Variants in PIDD1 observed in about 807,000 individuals in gnomAD.
PIDD1 encodes p53-induced death domain protein 1, also known as p53-induced death domain-containing protein 1.
Under a neutral mutation model 80.0 loss-of-function variants are expected in PIDD1, and 72 were observed. That is an observed-to-expected ratio of 0.90 (90% CI 0.74 to 1.09). The LOEUF (loss-of-function observed/expected upper bound fraction) is 1.09. Among genes scored for constraint, PIDD1 ranks in the 50% least tolerant of loss-of-function variants. The probability of loss-of-function intolerance (pLI) is 0.00; values close to 1 mark genes in which losing one functional copy is unlikely to be tolerated. For synonymous variants in PIDD1, 655 were observed against 543.5 expected, an observed-to-expected ratio of 1.21 and a Z score of -2.85; for missense variants, 1,329 against 1,228.3, an observed-to-expected ratio of 1.08 and a Z score of -1.23.
At position 804,247 on chromosome 11, in the gene PIDD1, G is replaced by C. The variant is rs772299681; in HGVS notation, c.142C>G (p.Gln48Glu). The C allele has an allele frequency of 2.5e-6, 4 of 1,613,080 alleles. No homozygotes were observed. The South Asian group carries it at 4.4e-5, about 18-fold the overall frequency. Residue 48 changes from glutamine to glutamate, a missense_variant, in exon 2 of 16, where the codon CAG becomes GAG. Physicochemically the swap from Gln to Glu is conservative, Grantham distance 29 (BLOSUM62 2). Coordinates refer to ENST00000347755, the MANE Select transcript of PIDD1 (RefSeq NM_145886.4). ...TGGACACACAGGTGCAGCAGCTGCTGGCAGCCCCCGGGGTACAGGTCCAAG... is the reference window on the plus strand; with the variant it reads ...TGGACACACAGGTGCAGCAGCTGCTCGCAGCCCCCGGGGTACAGGTCCAAG... ...LSLDLYPGGCQQLLHLCVQQP... is the reference protein window; with the variant it reads ...LSLDLYPGGCEQLLHLCVQQP...
rs1405718590 is a variant in PIDD1 at position 801,600 on chromosome 11, G to C, written c.1327C>G (p.Pro443Ala). The stretch of plus-strand genomic sequence containing the variant: ...ACCACAAGGAACCAGGAGAAGTGGG[G>C]CACCTGGCAGTGAGCCCAGAGCCGC... ...PQRLWAHCQVPHFSWFLVVSR... is the reference protein window; with the variant it reads ...PQRLWAHCQVAHFSWFLVVSR... Residue 443 changes from proline (P) to alanine (A), a missense_variant, in exon 8 of 16, where the codon CCC becomes GCC. Physicochemically the swap from Pro to Ala is conservative, Grantham distance 27. Transcript: ENST00000347755. 1.3e-6 allele frequency: 2 copies of C among 1,562,572 alleles called. No individual in the cohort carries two copies. The highest frequency in any genetic ancestry group is 1.7e-6 in the Non-Finnish European group (2 of 1,154,026).
Position 799,980 on chromosome 11 carries a change from G to GC in PIDD1, c.2308dup (p.Ala770GlyfsTer58), listed in dbSNP as rs763264127. On this transcript the variant is annotated frameshift_variant, in exon 15 of 16. Transcript: ENST00000347755. LOFTEE classifies it high-confidence loss of function. ...ATTCAAGGGTGCCAAGGAGAGGCCA[G>GC]CCCCCCGCCGTGGCCCCTCGGACCC... is the stretch of plus-strand genomic sequence containing the variant. 1.9e-6 allele frequency: 3 copies of GC among 1,612,676 alleles called. No homozygotes were observed. The highest frequency in any genetic ancestry group is 1.3e-5 in the African/African-American group (1 of 74,926).
upstream of PIDD1, among the ~76,000 whole-genome samples, chr11:806,286 A>C (rs937060649): frequency 1.4e-5 from 2 of 148,070 alleles, no homozygotes; most frequent in African/African-American, 5.0e-5. Flanking sequence ...AGACACCACC[A>C]GCTATGCCTG....
In PIDD1 at chr11:802,352, C is replaced by T. The variant is rs756402200; in HGVS notation, c.1019G>A (p.Gly340Asp). 13 of 1,611,866 alleles carry T rather than the reference C, an allele frequency of 8.1e-6. No individual in the cohort carries two copies. In the South Asian group the frequency reaches 9.9e-5, roughly 12 times the overall value. ...TCCCGCTGGGAACTGCAGGCGGACG[C>T]CACAGGCCAGGGTCACTGAGCAGCC... is the stretch of plus-strand genomic sequence containing the variant. ...PQGCSVTLAC[G>D]VRLQFPAGAT... The change falls in exon 6 of 16, where the codon GGC (glycine) becomes GAC (aspartate). Residue 340 changes from glycine to aspartate, a missense_variant. Physicochemically the swap from Gly to Asp is moderately conservative, Grantham distance 94. Coordinates refer to ENST00000347755, the MANE Select transcript of PIDD1 (RefSeq NM_145886.4).
At chr11:806,099 A>G (rs1349382522), upstream of PIDD1, 2 of 119,016 alleles carry the variant, frequency 1.7e-5, no homozygotes, top group African/African-American at 3.4e-5. Context: ...ACTCCGTCTG[A>G]AAAAAAAAAA....
chr11:805,319 G>T (rs1020687694), upstream of PIDD1: 4 of 712,912 alleles, frequency 5.6e-6, no homozygotes, highest in Non-Finnish European at 6.9e-6. Flanking sequence ...CCCCTCCGCC[G>T]GGCTGGGGTC....
At chr11:803,078 GA>G in intron 3 of PIDD1, 95 bp downstream of exon 3, 2 of 1,043,708 alleles carry the variant, frequency 1.9e-6, no homozygotes, top group Non-Finnish European at 2.8e-6. Context: ...GGCAGCTGTG[GA>G]CCAAGCCTGT....
upstream of PIDD1, among the ~76,000 whole-genome samples, chr11:806,949 T>G (rs1865803482): frequency 6.6e-6 from 1 of 152,138 alleles, no homozygotes; most frequent in Non-Finnish European, 1.5e-5. Flanking sequence ...CCCAACATTT[T>G]GTGAGGCTGA....
chr11:805,476 AGCCTCCCCC>A, upstream of PIDD1: 2 of 408,730 alleles, frequency 4.9e-6, no homozygotes, highest in Non-Finnish European at 6.6e-6. Flanking sequence ...GGAGCCGTAC[AGCCTCCCCC>A]GCCCGGAAGG....
At chr11:801,665 G>C in intron 7 of PIDD1, 41 bp from the exon 8 acceptor site, 1 of 1,502,050 alleles carries the variant, frequency 6.7e-7, no homozygotes, top group Non-Finnish European at 9.1e-7. Context: ...GCCTGGGTCA[G>C]GGCACAGCCA....
At chr11:805,056 G>T in intron 1 of PIDD1, 123 bp downstream of exon 1, 1 of 249,996 alleles carries the variant, frequency 4.0e-6, no homozygotes, top group Non-Finnish European at 6.4e-6. Context: ...CGGCGTGGGG[G>T]GCGGGCCCCA....
rs766735943 is a variant in PIDD1, at chr11:799,293, A to G, written c.*14T>C. Reference sequence around the variant, plus strand: ...ACTGGGGAATATCTGGGCCAGCCTAAAAGTCTGTGGGGCCTAGGCCTGGGC... The same window carrying G: ...ACTGGGGAATATCTGGGCCAGCCTAGAAGTCTGTGGGGCCTAGGCCTGGGC... On this transcript the variant is annotated 3_prime_UTR_variant, in exon 16 of 16. Coordinates refer to ENST00000347755, the MANE Select transcript of PIDD1 (RefSeq NM_145886.4). The G allele has an allele frequency of 1.6e-5, 25 of 1,571,818 alleles. No homozygotes were observed. In the East Asian group the frequency reaches 2.0e-4, roughly 13 times the overall value.
rs766250358 is a variant in PIDD1, at chr11:803,378, C to A, written c.505G>T (p.Ala169Ser). The part of the protein sequence containing the change: ...CLSELPEALG[A>S]LPALTFLTVT... Reference sequence around the variant, plus strand: ...GTGAGGAAGGTGAGGGCGGGGAGGGCCCCCAGAGCCTCAGGCAGCTCAGAG... The same window carrying A: ...GTGAGGAAGGTGAGGGCGGGGAGGGACCCCAGAGCCTCAGGCAGCTCAGAG... The change falls in exon 3 of 16, where the codon GCC becomes TCC. Residue 169 changes from alanine (A) to serine (S), a missense_variant. By Grantham distance (99) the Ala-to-Ser change is moderately conservative (BLOSUM62 1). Transcript: ENST00000347755. The A allele has an allele frequency of 3.7e-6, 6 of 1,613,880 alleles. No individual in the cohort carries two copies. The highest frequency in any genetic ancestry group is 5.1e-6 in the Non-Finnish European group (6 of 1,179,934).
chr11:803,945 C>A, intron 2 of PIDD1, 149 bp downstream of exon 2: 1 of 884,874 alleles, frequency 1.1e-6, no homozygotes, highest in South Asian at 1.8e-5. Flanking sequence ...TGGGGCTGGA[C>A]AGGACCAAGA....
chr11:803,190 G>T lies in PIDD1; in HGVS notation c.693C>A (p.Ser231Arg). The change falls in exon 3 of 16, where the codon AGC (serine) becomes AGA (arginine). Residue 231 changes from serine to arginine, a missense_variant. By Grantham distance (110) the Ser-to-Arg change is moderately radical. Transcript: ENST00000347755. ...ELNLASNRLQ[S>R]LPASLAGLRS... ...GCTACTCACCCAGAGAGGCTGGGAG[G>T]CTCTGCAGCCGGTTGGAGGCCAGGT... 1 of 1,606,898 alleles carries T rather than the reference G, an allele frequency of 6.2e-7. No individual in the cohort carries two copies. Among genetic ancestry groups the T allele is most frequent in the Non-Finnish European group, 8.5e-7 (1 of 1,177,526 alleles).
chr11:801,646 G>A (rs1177755299), intron 7 of PIDD1, 22 bp from the exon 8 acceptor site: 6 of 1,545,362 alleles, frequency 3.9e-6, no homozygotes, highest in East Asian at 2.4e-5. Context: ...GAGAGAGGAG[G>A]TCACAGGAGC....
At chr11:800,296 TG>T in intron 13 of PIDD1, 36 bp downstream of exon 13, 2 of 1,612,526 alleles carry the variant, frequency 1.2e-6, no homozygotes, top group Non-Finnish European at 8.5e-7. Context: ...CCAAGCGGCC[TG>T]GGGGGCCTCT....
chr11:805,482 C>T, upstream of PIDD1: 2 of 439,500 alleles, frequency 4.6e-6, no homozygotes, highest in Non-Finnish European at 6.0e-6. Flanking sequence ...GTACAGCCTC[C>T]CCCGCCCGGA....
chr11:800,387 C>T lies in PIDD1; in HGVS notation c.2106G>A (p.Lys702=), dbSNP rs760458168. The change falls in exon 13 of 16, where the codon AAG becomes AAA. Residue 702 remains lysine (K), a synonymous_variant. Coordinates refer to ENST00000347755, the MANE Select transcript of PIDD1 (RefSeq NM_145886.4). ...FVFYSHLKNV[K]EVYVTTTLDR... ...CCAGAGTGGTGGTCACGTATACCTCCTTCACATTCTTCAGGTGCGAGTAGA... is the reference window on the plus strand; with the variant it reads ...CCAGAGTGGTGGTCACGTATACCTCTTTCACATTCTTCAGGTGCGAGTAGA... The T allele has an allele frequency of 3.1e-6, 5 of 1,596,448 alleles. No homozygotes were observed. Among genetic ancestry groups the T allele is most frequent in the Non-Finnish European group, 2.6e-6 (3 of 1,169,726 alleles).
Sources: allele counts gnomAD v4.1 joint callset (sites outside exome capture counted in the v4.1 genomes callset), GRCh38; gene constraint gnomAD v4.1.1; transcripts MANE v1.5; gene names NCBI Gene and HGNC (gene_info 2026-07-23, HGNC 2026-07-21).